The following RGS3 variants were observed in gnomAD, a reference collection of about 807,000 sequenced individuals.
The protein encoded by RGS3 is regulator of G-protein signalling 3.
A neutral mutation model predicts 132.6 loss-of-function variants in RGS3; 80 were observed. The ratio of observed to expected loss-of-function variants is 0.60; its 90% CI spans 0.50 to 0.73. RGS3 has a LOEUF of 0.73. Among genes scored for constraint, RGS3 ranks in the 30% least tolerant of loss-of-function variants. The pLI is 0.00. For missense variants in RGS3, 1,382 were observed against 1,530.8 expected, an observed-to-expected ratio of 0.90 and a Z score of 1.62; for synonymous variants, 598 against 620.6, an observed-to-expected ratio of 0.96 and a Z score of 0.54.
Position 113,591,378 on chromosome 9 carries a change from A to T in RGS3, c.3061A>T (p.Lys1021Ter). The T allele has an allele frequency of 6.2e-7, 1 of 1,613,662 alleles. No homozygotes were observed. Among genetic ancestry groups the T allele is most frequent in the Non-Finnish European group, 8.5e-7 (1 of 1,179,948 alleles). ...TGGGGATGATGACGAAGCCTCCCGG[A>T]AGAGAAAGAGCAAAAACCTGTACGT... is the stretch of plus-strand genomic sequence containing the variant. Residue 1021 changes from lysine (K) to a stop codon, truncating the protein, a stop_gained, in exon 21 of 25, where the codon AAG becomes TAG. Coordinates refer to ENST00000350696, the Ensembl canonical transcript of RGS3. LOFTEE classifies it high-confidence loss of function. The surrounding 1 kb of genome is among the most constrained non-coding windows in gnomAD (Gnocchi z 4.4).
chr9:113,530,050 A>G (rs372369067), intron 18 of RGS3, among the ~76,000 whole-genome samples: 45 of 152,360 alleles, frequency 3.0e-4, no homozygotes, highest in African/African-American at 1.1e-3. Context: ...CTGTTCAAGC[A>G]AGGATGCATT....
At chr9:113,488,189 G>C (rs1263251465) in intron 7 of RGS3, among the ~76,000 whole-genome samples, 1 of 152,210 alleles carries the variant, frequency 6.6e-6, no homozygotes, top group African/African-American at 2.4e-5. Context: ...TGTGAGAGCA[G>C]TGTGAGAAGT....
chr9:113,512,729 C>G (rs1831462226), intron 14 of RGS3, among the ~76,000 whole-genome samples: 1 of 152,142 alleles, frequency 6.6e-6, no homozygotes, highest in Non-Finnish European at 1.5e-5. Context: ...GCACCCAGGT[C>G]AGTGAGGACC....
chr9:113,509,613 G>A lies in RGS3; in HGVS notation c.1477+1033G>A, dbSNP rs570417894. On this transcript the variant is annotated intron_variant, in intron 14 of 24. Coordinates refer to ENST00000350696, the Ensembl canonical transcript of RGS3. ...CTGGGCATTCCTTGAGATCCTTCGCGTGCCTGCCAGAAAGCTTTGACTCAG... is the reference window on the plus strand; with the variant it reads ...CTGGGCATTCCTTGAGATCCTTCGCATGCCTGCCAGAAAGCTTTGACTCAG... Among the ~76,000 whole-genome samples, 10 of 152,298 alleles carry A rather than the reference G, an allele frequency of 6.6e-5. No individual in the cohort carries two copies. The East Asian group carries it at 1.2e-3, about 18-fold the overall frequency.
At chr9:113,584,682 G>C (rs1428956492) in intron 20 of RGS3, among the ~76,000 whole-genome samples, 1 of 152,254 alleles carries the variant, frequency 6.6e-6, no homozygotes, top group East Asian at 1.9e-4. Flanking sequence ...ACAGAAAGCA[G>C]AGCAGGTGTA....
rs183035323 is a variant in RGS3, at chr9:113,503,824, C to T, written c.898-1618C>T. On this transcript the variant is annotated intron_variant, in intron 10 of 24. Coordinates refer to ENST00000350696, the Ensembl canonical transcript of RGS3. ...GAGGGGGCCAGGCTCCTGGCGTCTTCCCTGGCCTCAGGCGGGCCCGGCAAC... is the reference window on the plus strand; with the variant it reads ...GAGGGGGCCAGGCTCCTGGCGTCTTTCCTGGCCTCAGGCGGGCCCGGCAAC... Among the ~76,000 whole-genome samples the T allele has an allele frequency of 1.3e-5, 2 of 152,320 alleles. 1 individual carries two copies. The highest frequency in any genetic ancestry group is 1.3e-4 in the Admixed American group (2 of 15,308).
chr9:113,463,785 G>A lies in RGS3; in HGVS notation c.415+1584G>A, dbSNP rs768077195. ...CCTCGGGTTGCAGACGCTCCTGTCCGGGTCGCAGTGGGACGCCATGGAGCG... is the reference window on the plus strand; with the variant it reads ...CCTCGGGTTGCAGACGCTCCTGTCCAGGTCGCAGTGGGACGCCATGGAGCG... On this transcript the variant is annotated intron_variant, in intron 3 of 24. Transcript: ENST00000350696. The surrounding 1 kb of genome is among the most constrained non-coding windows in gnomAD (Gnocchi z 4.6). 1.9e-6 allele frequency: 3 copies of A among 1,602,304 alleles called. No homozygotes were observed. Among genetic ancestry groups the A allele is most frequent in the Middle Eastern group, 1.7e-4 (1 of 6,002 alleles).
At chr9:113,486,614 A>C (rs1369322707) in intron 7 of RGS3, among the ~76,000 whole-genome samples, 1 of 152,218 alleles carries the variant, frequency 6.6e-6, no homozygotes, top group African/African-American at 2.4e-5. Flanking sequence ...GTGCAGCCTA[A>C]GGAATCTGGG....
intron 19 of RGS3, among the ~76,000 whole-genome samples, chr9:113,539,924 T>C (rs1217547380): frequency 6.6e-6 from 1 of 152,222 alleles, no homozygotes; most frequent in Non-Finnish European, 1.5e-5. Context: ...CAGCAGCCGC[T>C]GGCTGCTGTG....
upstream of RGS3, among the ~76,000 whole-genome samples, chr9:113,456,665 G>A (rs890351460): frequency 6.1e-5 from 9 of 146,640 alleles, no homozygotes; most frequent in East Asian, 3.9e-4. Context: ...TTTTTTTTTC[G>A]TATTCTAGCC....
At position 113,564,861 on chromosome 9, in the gene RGS3, C is replaced by G. The variant is rs140613594; in HGVS notation, c.2038-18589C>G. Reference sequence around the variant, plus strand: ...AGTCAGCGTGTGCTGGCTGCAGGAGCCTGGGTTCAGTTGCAGCCTCCCACT... The same window carrying G: ...AGTCAGCGTGTGCTGGCTGCAGGAGGCTGGGTTCAGTTGCAGCCTCCCACT... On this transcript the variant is annotated intron_variant, in intron 19 of 24. Transcript: ENST00000350696. The G allele has an allele frequency of 1.4e-4, 127 of 930,614 alleles. 1 individual carries two copies. The East Asian group carries it at 0.011, about 83-fold the overall frequency. The allele number at this position is 930,614 out of a possible 1,614,324, so 57.6% of individuals were successfully genotyped here.
chr9:113,479,448 C>G, intron 3 of RGS3, 43 bp from the exon 2 acceptor site: 1 of 1,602,148 alleles, frequency 6.2e-7, no homozygotes, highest in Non-Finnish European at 8.6e-7. Context: ...ACCACACCCA[C>G]CAGGGAGCTG....
At chr9:113,586,461 C>G (rs933366251) in intron 20 of RGS3, among the ~76,000 whole-genome samples, 8 of 152,250 alleles carry the variant, frequency 5.3e-5, no homozygotes, top group African/African-American at 9.6e-5. Flanking sequence ...CAGGCCTGGA[C>G]CAGCTCTCTC....
upstream of RGS3, among the ~76,000 whole-genome samples, chr9:113,458,706 C>G (rs1414696911): frequency 6.6e-6 from 1 of 152,072 alleles, no homozygotes; most frequent in Non-Finnish European, 1.5e-5. Context: ...AGAATGTTGG[C>G]CTAGTTTCGC....
intron 19 of RGS3, among the ~76,000 whole-genome samples, chr9:113,553,872 A>G (rs1243957980): frequency 1.2e-4 from 18 of 152,184 alleles, no homozygotes; most frequent in Admixed American, 1.2e-3. Context: ...ATTTTCCATC[A>G]GCACCTAAAC....
At chr9:113,465,657 C>A (rs1323042299) in intron 3 of RGS3, among the ~76,000 whole-genome samples, 2 of 152,120 alleles carry the variant, frequency 1.3e-5, no homozygotes, top group African/African-American at 4.8e-5. Context: ...AGGGTTCAGG[C>A]CCAGCAGGGA....
chr9:113,573,173 C>G (rs561785814), intron 19 of RGS3, among the ~76,000 whole-genome samples: 169 of 152,320 alleles, frequency 1.1e-3, no homozygotes, highest in African/African-American at 3.8e-3. Flanking sequence ...GGTACCTTGA[C>G]GTAGGAGGTG....
At chr9:113,503,300 A>G (rs1423161244) in intron 10 of RGS3, 2 of 152,498 alleles carry the variant, frequency 1.3e-5, no homozygotes, top group Admixed American at 6.5e-5. Context: ...AAATGGGCAT[A>G]CTCATTCCCC....
chr9:113,528,177 T>TA (rs1394421878), intron 17 of RGS3, among the ~76,000 whole-genome samples: 3 of 152,202 alleles, frequency 2.0e-5, no homozygotes, highest in Non-Finnish European at 4.4e-5. Flanking sequence ...TGTGGCCCTT[T>TA]AAGCATTTAC....
Sources: allele counts gnomAD v4.1 joint callset (sites outside exome capture counted in the v4.1 genomes callset), GRCh38; gene constraint gnomAD v4.1.1; non-coding constraint Gnocchi (gnomAD v3.1); transcripts MANE v1.5; gene names NCBI Gene and HGNC (gene_info 2026-07-23, HGNC 2026-07-21).